PDE4A: variants seen among roughly 807,000 people sequenced by gnomAD.
PDE4A encodes the protein 3',5'-cyclic-AMP phosphodiesterase 4A.
A neutral mutation model predicts 73.9 loss-of-function variants in PDE4A; 21 were observed. That is an observed-to-expected ratio of 0.28 (90% CI 0.20 to 0.41). PDE4A has a LOEUF of 0.41. Among genes scored for constraint, PDE4A ranks in the 10% least tolerant of loss-of-function variants. PDE4A has a pLI of 1.00. For synonymous variants in PDE4A, 463 were observed against 505.4 expected, an observed-to-expected ratio of 0.92 and a Z score of 1.13; for missense variants, 958 against 1,211.4, an observed-to-expected ratio of 0.79 and a Z score of 3.10.
chr19:10,418,896 A>T, upstream of PDE4A: 1 of 983,060 alleles, frequency 1.0e-6, no homozygotes, highest in Non-Finnish European at 1.2e-6. Context: ...TGAGTGTGTA[A>T]TGGGGGGGGT....
At position 10,449,097 on chromosome 19, in the gene PDE4A, G is replaced by A. The variant is rs758443159; in HGVS notation, c.567G>A (p.Arg189=). ...CATCCCAGGTGCTGGCCAGCCTCCG[G>A]AGCGTCCGTAGCAACTTCTCACTCC... ...TPFAQVLASL[R]SVRSNFSLLT... is the part of the protein sequence containing the mutation. The change falls in exon 4 of 15, where the codon CGG becomes CGA. Residue 189 remains arginine (R), a synonymous_variant. Transcript: ENST00000380702. 1.6e-5 allele frequency: 26 copies of A among 1,613,558 alleles called. No homozygotes were observed. In the East Asian group the frequency reaches 2.4e-4, roughly 15 times the overall value.
intron 2 of PDE4A, among the ~76,000 whole-genome samples, chr19:10,447,418 G>A (rs2043024194): frequency 6.8e-6 from 1 of 147,064 alleles, no homozygotes; most frequent in Non-Finnish European, 1.5e-5. Flanking sequence ...GTAGAGACGG[G>A]GTTTCACCTT....
chr19:10,419,393 G>C (rs566049053), upstream of PDE4A: 3 of 152,218 alleles, frequency 2.0e-5, no homozygotes, highest in Admixed American at 2.0e-4. Flanking sequence ...GGCGACTCCC[G>C]ATTTAGGTGC....
At chr19:10,427,870 A>C in intron 1 of PDE4A, 1 of 985,036 alleles carries the variant, frequency 1.0e-6, no homozygotes, top group Non-Finnish European at 1.2e-6. Flanking sequence ...ATAGTGGCTC[A>C]TGCCCAACAC....
chr19:10,433,905 C>T (rs1015261749), intron 1 of PDE4A, among the ~76,000 whole-genome samples: 6 of 152,214 alleles, frequency 3.9e-5, no homozygotes, highest in African/African-American at 1.2e-4. Context: ...AGACACTCGT[C>T]GCAGCTTTGT....
intron 1 of PDE4A, among the ~76,000 whole-genome samples, chr19:10,430,077 G>A (rs1438394074): frequency 2.6e-5 from 4 of 152,000 alleles, no homozygotes; most frequent in Admixed American, 1.3e-4. Context: ...ATGCATGATG[G>A]GATGATGAGA....
intron 1 of PDE4A, 158 bp downstream of exon 1, chr19:10,421,242 C>G (rs2042647687): frequency 4.1e-6 from 4 of 985,188 alleles, no homozygotes; most frequent in African/African-American, 1.7e-5. Context: ...GGACCTGGCC[C>G]CTGGTTGTGC....
At chr19:10,443,791 G>C (rs1269695787) in intron 1 of PDE4A, among the ~76,000 whole-genome samples, 2 of 151,972 alleles carry the variant, frequency 1.3e-5, no homozygotes, top group Non-Finnish European at 2.9e-5. Context: ...TGGATTACTT[G>C]AGGTCTGGAG....
rs1393369420 is a variant in PDE4A, at chr19:10,424,135, C to T, written c.320+3051C>T. 1.3e-5 allele frequency among the ~76,000 whole-genome samples: 2 copies of T among 152,206 alleles called. No individual in the cohort carries two copies. The highest frequency in any genetic ancestry group is 2.9e-5 in the Non-Finnish European group (2 of 68,040). On this transcript the variant is annotated intron_variant, in intron 1 of 14. Transcript: ENST00000380702. This position sits in a 1 kb window ranked among gnomAD's most constrained non-coding sequence, Gnocchi z 4.8. ...CCAACCGGAGATGTCATCCAAACCT[C>T]CCCTCCAGACCTGAAGATGTATGAG...
In PDE4A at chr19:10,423,291, T is replaced by C. The variant is rs528543950; in HGVS notation, c.320+2207T>C. The C allele has an allele frequency of 2.5e-4, 63 of 253,938 alleles. 2 individuals are homozygous for C. In the South Asian group the frequency reaches 8.3e-3, roughly 34 times the overall value. The allele number at this position is 253,938 out of a possible 1,614,324, so 15.7% of individuals were successfully genotyped here. The stretch of plus-strand genomic sequence containing the variant: ...CTCCTGCCTCAGCCTCCGGAGTAGC[T>C]GGGATTACAGGCGCCCACCACCACA... On this transcript the variant is annotated intron_variant, in intron 1 of 14. Transcript: ENST00000380702.
intron 1 of PDE4A, among the ~76,000 whole-genome samples, chr19:10,442,263 C>T (rs2042948551): frequency 1.3e-5 from 2 of 152,094 alleles, no homozygotes; most frequent in South Asian, 2.1e-4. Context: ...CTGCCAGGCA[C>T]CTATAATCCC....
chr19:10,435,469 G>A (rs1468161920), intron 1 of PDE4A, among the ~76,000 whole-genome samples: 1 of 151,984 alleles, frequency 6.6e-6, no homozygotes, highest in Non-Finnish European at 1.5e-5. Flanking sequence ...GCTGAGGTGG[G>A]AGGATCGCTT....
At chr19:10,455,057 C>T in intron 7 of PDE4A, 135 bp downstream of exon 7, 1 of 805,330 alleles carries the variant, frequency 1.2e-6, no homozygotes, top group Admixed American at 2.2e-5. Flanking sequence ...CACAGTCACC[C>T]TATCCAGGAA....
chr19:10,433,861 C>T (rs1197549952), intron 1 of PDE4A, among the ~76,000 whole-genome samples: 1 of 152,220 alleles, frequency 6.6e-6, no homozygotes, highest in African/African-American at 2.4e-5. Flanking sequence ...CCGGGGGAGA[C>T]ACCAGGCCTG....
chr19:10,441,496 A>G (rs965238122), intron 1 of PDE4A, among the ~76,000 whole-genome samples: 1 of 151,728 alleles, frequency 6.6e-6, no homozygotes, highest in African/African-American at 2.4e-5. Context: ...GTCTCAAGCC[A>G]TCCTTCCACC....
Position 10,420,588 on chromosome 19 carries a change from G to A in PDE4A, c.-177G>A. 7.9e-7 allele frequency: 1 copy of A among 1,273,102 alleles called. No individual in the cohort carries two copies. The highest frequency in any genetic ancestry group is 9.9e-7 in the Non-Finnish European group (1 of 1,013,262). The allele number at this position is 1,273,102 out of a possible 1,614,324, so 78.9% of individuals were successfully genotyped here. ...CTCCAGGCGCCGAAAGGAAGCTGCA[G>A]AGCCCGGCCCGGGGGCGATTGGCCC... is the stretch of plus-strand genomic sequence containing the variant. On this transcript the variant is annotated 5_prime_UTR_variant, in exon 1 of 15. Transcript: ENST00000380702. This position sits in a 1 kb window ranked among gnomAD's most constrained non-coding sequence, Gnocchi z 6.0.
At chr19:10,459,327 C>T (rs1316207658) in intron 8 of PDE4A, 73 bp from the exon 9 acceptor site, 1 of 1,607,616 alleles carries the variant, frequency 6.2e-7, no homozygotes, top group East Asian at 2.2e-5. Context: ...ACCAAGGCTT[C>T]AAACTCCTAG....
At chr19:10,447,641 T>C (rs1384618036) in intron 2 of PDE4A, among the ~76,000 whole-genome samples, 1 of 152,022 alleles carries the variant, frequency 6.6e-6, no homozygotes, top group African/African-American at 2.4e-5. Context: ...AGTGCTGGGA[T>C]TGCAGGCATG....
At chr19:10,421,527 G>A (rs2042651303) in intron 1 of PDE4A, among the ~76,000 whole-genome samples, 1 of 152,150 alleles carries the variant, frequency 6.6e-6, no homozygotes, top group African/African-American at 2.4e-5. Context: ...TTACTTCAGG[G>A]TGGGGTGCTC....
Sources: gnomAD v4.1 joint callset for allele counts (sites outside exome capture counted in the v4.1 genomes callset) on GRCh38, gnomAD v4.1.1 for gene constraint, Gnocchi (gnomAD v3.1) non-coding constraint, MANE v1.5 for transcripts, NCBI Gene and HGNC (gene_info 2026-07-23, HGNC 2026-07-21) for gene names.